CSMD1: variants seen among roughly 807,000 people sequenced by gnomAD.
CSMD1 encodes CUB and sushi domain-containing protein 1.
A neutral mutation model predicts 417.5 loss-of-function variants in CSMD1; 213 were observed. That is an observed-to-expected ratio of 0.51 (90% CI 0.46 to 0.57). The LOEUF (loss-of-function observed/expected upper bound fraction) is 0.57, where lower values mean the gene tolerates loss of function less well. Among genes scored for constraint, CSMD1 ranks in the 20% least tolerant of loss-of-function variants. CSMD1 has a pLI of 0.00. For synonymous variants in CSMD1, 2,862 were observed against 1,736.8 expected (o/e 1.65, Z -16.11); for missense variants, 6,923 against 4,529.7 (o/e 1.53, Z -15.17).
chr8:3,352,029 A>T (rs532322379), intron 21 of CSMD1, among the ~76,000 whole-genome samples: 4 of 152,252 alleles, frequency 2.6e-5, no homozygotes, highest in Admixed American at 2.0e-4. Context: ...GAAGTCAATA[A>T]GAAAATATGA....
At chr8:3,960,288 T>C (rs1023897699) in intron 5 of CSMD1, among the ~76,000 whole-genome samples, 2 of 152,196 alleles carry the variant, frequency 1.3e-5, no homozygotes, top group African/African-American at 2.4e-5. Context: ...ATAAGGAATT[T>C]AGCAAATGTT....
chr8:3,994,233 T>G (rs1466441757), intron 5 of CSMD1, among the ~76,000 whole-genome samples: 2 of 147,376 alleles, frequency 1.4e-5, no homozygotes, highest in Non-Finnish European at 3.1e-5. Flanking sequence ...CAGAAGGGTA[T>G]GGAAGCCTGT....
intron 3 of CSMD1, among the ~76,000 whole-genome samples, chr8:4,276,315 T>C (rs1796483505): frequency 6.6e-6 from 1 of 152,198 alleles, no homozygotes; most frequent in African/African-American, 2.4e-5. Context: ...TCAGTTAATG[T>C]CCTTTGCAGG....
chr8:4,345,672 A>C (rs1299311942), intron 3 of CSMD1, among the ~76,000 whole-genome samples: 2 of 152,164 alleles, frequency 1.3e-5, no homozygotes, highest in African/African-American at 4.8e-5. Flanking sequence ...ACCTTTCTCA[A>C]GATATGAAAT....
chr8:3,666,612 TGAGAGGGACC>T (rs1208528492), intron 7 of CSMD1, among the ~76,000 whole-genome samples: 5 of 152,128 alleles, frequency 3.3e-5, no homozygotes, highest in Non-Finnish European at 5.9e-5. Flanking sequence ...CCATGTGTTG[TGAGAGGGACC>T]CAGAGGGAGA....
intron 7 of CSMD1, among the ~76,000 whole-genome samples, chr8:3,699,803 C>T (rs1424123507): frequency 1.3e-5 from 2 of 152,136 alleles, no homozygotes; most frequent in Non-Finnish European, 2.9e-5. Flanking sequence ...ATATAAAAAT[C>T]TAATTGAAGA....
At chr8:4,022,866 C>T (rs1011640967) in intron 4 of CSMD1, among the ~76,000 whole-genome samples, 1 of 152,244 alleles carries the variant, frequency 6.6e-6, no homozygotes. Context: ...AGCAAGAATT[C>T]ACATAGTTAA....
At chr8:4,093,595 T>A (rs768557666) in intron 3 of CSMD1, among the ~76,000 whole-genome samples, 1 of 152,196 alleles carries the variant, frequency 6.6e-6, no homozygotes, top group Non-Finnish European at 1.5e-5. Flanking sequence ...AATATCGGTA[T>A]GCTTTTTCCC....
At chr8:4,468,171 C>T (rs1470904335) in intron 2 of CSMD1, among the ~76,000 whole-genome samples, 2 of 152,174 alleles carry the variant, frequency 1.3e-5, no homozygotes, top group East Asian at 1.9e-4. Context: ...TGTGCTCTAA[C>T]AGCACTTGTC....
chr8:4,788,028 G>C, intron 1 of CSMD1: 1 of 1,590,186 alleles, frequency 6.3e-7, no homozygotes, highest in Admixed American at 1.7e-5. Context: ...AGTAACTCCT[G>C]AAGGGCTCCA....
intron 29 of CSMD1, 129 bp downstream of exon 29, chr8:3,219,126 C>A: frequency 4.4e-6 from 3 of 689,180 alleles, no homozygotes; most frequent in Non-Finnish European, 4.8e-6. Flanking sequence ...ATGTATCTTC[C>A]CAGACAGAGG....
intron 3 of CSMD1, among the ~76,000 whole-genome samples, chr8:4,203,249 G>C (rs1446410637): frequency 6.6e-6 from 1 of 152,126 alleles, no homozygotes; most frequent in Non-Finnish European, 1.5e-5. Context: ...AGGAATGTTG[G>C]CAGCCTGCAG....
chr8:4,553,758 C>A (rs765023898), intron 2 of CSMD1, among the ~76,000 whole-genome samples: 1 of 152,178 alleles, frequency 6.6e-6, no homozygotes, highest in Admixed American at 6.5e-5. Flanking sequence ...TTTCTAACTG[C>A]TCAGAGTAAC....
chr8:4,770,340 A>T (rs1361477451), intron 1 of CSMD1, among the ~76,000 whole-genome samples: 2 of 148,404 alleles, frequency 1.3e-5, no homozygotes, highest in African/African-American at 4.9e-5. Flanking sequence ...AGAAATATAT[A>T]TATAATATGT....
At chr8:4,849,998 G>A (rs185151852) in intron 1 of CSMD1, among the ~76,000 whole-genome samples, 3 of 152,290 alleles carry the variant, frequency 2.0e-5, no homozygotes, top group Admixed American at 2.0e-4. Flanking sequence ...ACCAGCAGCA[G>A]ACATGCGGGT....
chr8:4,401,536 T>G (rs1008908652), intron 3 of CSMD1, among the ~76,000 whole-genome samples: 2 of 152,076 alleles, frequency 1.3e-5, no homozygotes, highest in Non-Finnish European at 1.5e-5. Context: ...CTCCCAGCAG[T>G]AGCTCCCCTG....
intron 1 of CSMD1, among the ~76,000 whole-genome samples, chr8:4,704,329 C>T (rs1037934840): frequency 3.9e-5 from 6 of 152,222 alleles, no homozygotes; most frequent in Non-Finnish European, 7.3e-5. Context: ...TTACTGTACT[C>T]ACAAATCAGT....
At chr8:4,019,931 AC>A (rs1371197774) in intron 4 of CSMD1, among the ~76,000 whole-genome samples, 5 of 123,030 alleles carry the variant, frequency 4.1e-5, no homozygotes, top group African/African-American at 1.2e-4. Flanking sequence ...AAAAAAAAAA[AC>A]CCTTTTTTTT....
chr8:4,489,705 C>A (rs1472907268), intron 2 of CSMD1, among the ~76,000 whole-genome samples: 1 of 152,172 alleles, frequency 6.6e-6, no homozygotes, highest in Non-Finnish European at 1.5e-5. Flanking sequence ...GATTGCAGCA[C>A]CCTCCCTGCT....
Sources: allele counts gnomAD v4.1 joint callset (sites outside exome capture counted in the v4.1 genomes callset), GRCh38; gene constraint gnomAD v4.1.1; transcripts MANE v1.5; gene names NCBI Gene and HGNC (gene_info 2026-07-23, HGNC 2026-07-21).